MNS1: variants seen among roughly 807,000 people sequenced by gnomAD.
MNS1 encodes meiosis specific nuclear structural 1.
MNS1 carries 63 observed loss-of-function variants against 72.0 expected under a neutral mutation model. The observed-to-expected ratio is 0.87, with a 90% CI of 0.71 to 1.08. The LOEUF (loss-of-function observed/expected upper bound fraction) is 1.08. MNS1 is among the 50% of genes least tolerant of loss of function. The probability of loss-of-function intolerance (pLI) is 0.00; values close to 1 mark genes in which losing one functional copy is unlikely to be tolerated. For synonymous variants in MNS1, 188 were observed against 172.1 expected, an observed-to-expected ratio of 1.09 and a Z score of -0.72; for missense variants, 604 against 562.4, an observed-to-expected ratio of 1.07 and a Z score of -0.75.
chr15:56,464,259 G>C lies in MNS1; in HGVS notation c.4-12C>G. 1 of 1,501,388 alleles carries C rather than the reference G, an allele frequency of 6.7e-7. No homozygotes were observed. Among genetic ancestry groups the C allele is most frequent in the Non-Finnish European group, 9.0e-7 (1 of 1,111,390 alleles). The allele number at this position is 1,501,388 out of a possible 1,614,324, so 93.0% of individuals were successfully genotyped here. On this transcript the variant is annotated splice_polypyrimidine_tract_variant and intron_variant, in intron 1 of 9. Coordinates refer to ENST00000260453, the MANE Select transcript of MNS1 (RefSeq NM_018365.4). Reference sequence around the variant, plus strand: ...CTCCTTTTGGAACCCTACGATGGAAGAAAAAAAAAGATGCATATTTTGATA... The same window carrying C: ...CTCCTTTTGGAACCCTACGATGGAACAAAAAAAAAGATGCATATTTTGATA...
intron 3 of MNS1, among the ~76,000 whole-genome samples, chr15:56,455,500 GTA>G (rs2050976142): frequency 6.6e-6 from 1 of 152,112 alleles, no homozygotes; most frequent in East Asian, 1.9e-4. Flanking sequence ...CATGTTTCCT[GTA>G]ATATTCTACA....
chr15:56,429,118 T>C lies in MNS1; in HGVS notation c.1471A>G (p.Ile491Val). ...FRKVYQQRSE[I>V]CEEK is the part of the protein sequence containing the mutation. The stretch of plus-strand genomic sequence containing the variant: ...TGATGATATCATTTCTCTTCACAAA[T>C]TTCACTCCTTTGTTGATATACTTTC... Residue 491 changes from isoleucine (I) to valine (V), a missense_variant, in exon 10 of 10, where the codon ATT (isoleucine) becomes GTT (valine). Transcript: ENST00000260453. 6.3e-7 allele frequency: 1 copy of C among 1,595,370 alleles called. No individual in the cohort carries two copies. Among genetic ancestry groups the C allele is most frequent in the South Asian group, 1.1e-5 (1 of 87,746 alleles).
chr15:56,452,479 A>G (rs532450959), intron 3 of MNS1, among the ~76,000 whole-genome samples: 8 of 151,902 alleles, frequency 5.3e-5, no homozygotes, highest in African/African-American at 1.9e-4. Flanking sequence ...CAGAAAGAAA[A>G]TGGGTATTCA....
At chr15:56,459,135 CT>C (rs1216516965) in intron 2 of MNS1, among the ~76,000 whole-genome samples, 7 of 152,208 alleles carry the variant, frequency 4.6e-5, no homozygotes, top group Non-Finnish European at 8.8e-5. Flanking sequence ...CCCCCAACCC[CT>C]GGCACCTACT....
In MNS1 at chr15:56,457,562, C is replaced by G. The variant is rs546685531; in HGVS notation, c.226-1041G>C. ...ATGCAGCTGAGCGCTGTGGCTTACA[C>G]GTGTAATCCCAGCACTTTGGGAGGC... On this transcript the variant is annotated intron_variant, in intron 2 of 9. Transcript: ENST00000260453. 1.3e-5 allele frequency among the ~76,000 whole-genome samples: 2 copies of G among 152,132 alleles called. 1 individual carries two copies. Among genetic ancestry groups the G allele is most frequent in the African/African-American group, 4.8e-5 (2 of 41,434 alleles).
chr15:56,452,657 T>TAC (rs1323579260), intron 3 of MNS1, among the ~76,000 whole-genome samples: 43 of 152,110 alleles, frequency 2.8e-4, no homozygotes, highest in African/African-American at 9.6e-4. Context: ...TAGCTGGGAC[T>TAC]ACAGGCGTGT....
Position 56,444,525 on chromosome 15 carries a change from T to C in MNS1, c.605A>G (p.Lys202Arg), listed in dbSNP as rs1238240658. Residue 202 changes from lysine (K) to arginine (R), a missense_variant, in exon 5 of 10, where the codon AAG becomes AGG. By Grantham distance (26) the Lys-to-Arg change is conservative. Coordinates refer to ENST00000260453, the MANE Select transcript of MNS1 (RefSeq NM_018365.4). Reference protein sequence around the residue: ...EKQLEEQEKKKQEAYEQLLKE... With the variant: ...EKQLEEQEKKRQEAYEQLLKE... ...TAGCAGCTGCTCATAAGCTTCCTGC[T>C]TTTTTTTTTCTTGTTCTTCAAGTTG... 3.3e-6 allele frequency: 5 copies of C among 1,504,318 alleles called. No individual in the cohort carries two copies. Among genetic ancestry groups the C allele is most frequent in the African/African-American group, 1.4e-5 (1 of 71,490 alleles). 93.2% of individuals were successfully genotyped at this position (1,504,318 alleles called of 1,614,324 possible).
intron 7 of MNS1, among the ~76,000 whole-genome samples, chr15:56,435,116 A>G (rs1425466801): frequency 2.0e-5 from 3 of 152,246 alleles, no homozygotes; most frequent in African/African-American, 7.2e-5. Flanking sequence ...AAAGTGAGAC[A>G]GCAAAATTTG....
intron 3 of MNS1, among the ~76,000 whole-genome samples, chr15:56,455,796 C>A (rs376432994): frequency 4.6e-5 from 7 of 151,890 alleles, no homozygotes; most frequent in African/African-American, 1.5e-4. Flanking sequence ...GAGAAGAAAC[C>A]AGGATGATGA....
chr15:56,437,142 C>G (rs2050740152), intron 7 of MNS1, among the ~76,000 whole-genome samples: 1 of 152,150 alleles, frequency 6.6e-6, no homozygotes, highest in Non-Finnish European at 1.5e-5. Context: ...CGTCTGTCAT[C>G]CTGACAGAGA....
intron 3 of MNS1, 194 bp from the exon 4 acceptor site, chr15:56,447,137 G>C: frequency 2.0e-6 from 1 of 501,780 alleles, no homozygotes; most frequent in Non-Finnish European, 3.6e-6. Flanking sequence ...TTTTCTGGTT[G>C]AAAAGTACTG....
intron 9 of MNS1, chr15:56,430,081 G>A (rs1431847177): frequency 6.6e-6 from 1 of 152,144 alleles, no homozygotes; most frequent in Non-Finnish European, 1.5e-5. Flanking sequence ...CTTAGCACCA[G>A]AGTGAATATA....
chr15:56,439,585 T>C (rs1299980656), intron 7 of MNS1, among the ~76,000 whole-genome samples: 3 of 152,090 alleles, frequency 2.0e-5, no homozygotes. Context: ...AACTGTGTTT[T>C]AAGAAAGGTG....
chr15:56,445,189 C>T (rs2050886527), intron 4 of MNS1, among the ~76,000 whole-genome samples: 1 of 151,982 alleles, frequency 6.6e-6, no homozygotes, highest in South Asian at 2.1e-4. Flanking sequence ...TTTCCCCTTT[C>T]TGATTTATTA....
At chr15:56,452,460 C>A (rs1451681348) in intron 3 of MNS1, among the ~76,000 whole-genome samples, 1 of 152,052 alleles carries the variant, frequency 6.6e-6, no homozygotes, top group Non-Finnish European at 1.5e-5. Flanking sequence ...TACCAATATT[C>A]CAGACTCCCA....
intron 2 of MNS1, among the ~76,000 whole-genome samples, chr15:56,460,441 A>G (rs1342144708): frequency 3.9e-5 from 6 of 152,206 alleles, no homozygotes; most frequent in African/African-American, 1.4e-4. Flanking sequence ...AATGCAATCT[A>G]TGGTCCTCAA....
chr15:56,436,197 T>C (rs1257220800), intron 7 of MNS1, among the ~76,000 whole-genome samples: 3 of 152,226 alleles, frequency 2.0e-5, no homozygotes, highest in East Asian at 3.9e-4. Context: ...GTTGACCACA[T>C]AGTTGGAAGT....
chr15:56,455,843 A>C (rs1365862361), intron 3 of MNS1, among the ~76,000 whole-genome samples: 5 of 152,202 alleles, frequency 3.3e-5, no homozygotes, highest in Non-Finnish European at 7.4e-5. Context: ...AAACAACTGA[A>C]GGAACAAGGG....
Position 56,444,535 on chromosome 15 carries a change from C to A in MNS1, c.595G>T (p.Glu199Ter). Residue 199 changes from glutamate to a stop codon, truncating the protein, a stop_gained, in exon 5 of 10, where the codon GAA becomes TAA. Transcript: ENST00000260453. LOFTEE classifies it high-confidence loss of function. Reference sequence around the variant, plus strand: ...TCATAAGCTTCCTGCTTTTTTTTTTCTTGTTCTTCAAGTTGTTTCTCTAAG... The same window carrying A: ...TCATAAGCTTCCTGCTTTTTTTTTTATTGTTCTTCAAGTTGTTTCTCTAAG... ...LDLEKQLEEQ[E>*]KKKQEAYEQL... The A allele has an allele frequency of 6.3e-7, 1 of 1,599,964 alleles. No homozygotes were observed.
Sources: allele counts gnomAD v4.1 joint callset (sites outside exome capture counted in the v4.1 genomes callset), GRCh38; gene constraint gnomAD v4.1.1; transcripts MANE v1.5; gene names NCBI Gene and HGNC (gene_info 2026-07-23, HGNC 2026-07-21).